The following EPB41L5 variants were observed in gnomAD, a reference collection of about 807,000 sequenced individuals.
The protein encoded by EPB41L5 is band 4.1-like protein 5.
Under a neutral mutation model 106.6 loss-of-function variants are expected in EPB41L5, and 55 were observed. That is an observed-to-expected ratio of 0.52 (90% confidence interval 0.42 to 0.65). The LOEUF is 0.65. EPB41L5 is among the 30% of genes least tolerant of loss of function. The pLI is 0.00. For synonymous variants in EPB41L5, 297 were observed against 306.7 expected, an observed-to-expected ratio of 0.97 and a Z score of 0.33; for missense variants, 871 against 882.1, an observed-to-expected ratio of 0.99 and a Z score of 0.16.
chr2:120,093,478 G>A (rs1462585317), intron 14 of EPB41L5, among the ~76,000 whole-genome samples: 1 of 152,172 alleles, frequency 6.6e-6, no homozygotes, highest in Non-Finnish European at 1.5e-5. Context: ...GTAAAGAATG[G>A]GGTCGAGGCA....
intron 18 of EPB41L5, 53 bp downstream of exon 18, chr2:120,131,768 A>G: frequency 1.5e-6 from 2 of 1,317,732 alleles, no homozygotes; most frequent in Non-Finnish European, 2.2e-6. Flanking sequence ...AGCTCCCAGA[A>G]ATATTTTCTT....
chr2:120,045,035 G>A (rs902137632), intron 3 of EPB41L5, among the ~76,000 whole-genome samples: 1 of 152,114 alleles, frequency 6.6e-6, no homozygotes. Context: ...TTCAACCTCA[G>A]AATGAAATGA....
chr2:120,056,257 C>A (rs996372934), intron 3 of EPB41L5, among the ~76,000 whole-genome samples: 1 of 151,260 alleles, frequency 6.6e-6, no homozygotes, highest in Non-Finnish European at 1.5e-5. Flanking sequence ...TAATGTTGAA[C>A]CAACCTTGAA....
At chr2:120,061,313 C>A (rs1681053517) in intron 3 of EPB41L5, among the ~76,000 whole-genome samples, 2 of 148,298 alleles carry the variant, frequency 1.3e-5, no homozygotes, top group African/African-American at 2.5e-5. Context: ...AGCTCCGCCT[C>A]CCGGGTTCAC....
chr2:120,121,165 A>G (rs1005125443), intron 16 of EPB41L5, among the ~76,000 whole-genome samples: 9 of 152,110 alleles, frequency 5.9e-5, no homozygotes, highest in Admixed American at 3.3e-4. Flanking sequence ...GGACTCTACT[A>G]TGGTCTGAAA....
At chr2:120,106,254 G>T in intron 16 of EPB41L5, 1 of 985,352 alleles carries the variant, frequency 1.0e-6, no homozygotes, top group Non-Finnish European at 1.2e-6. Flanking sequence ...GCAGCGATAG[G>T]GGTGAGGAAA....
chr2:120,153,429 T>G (rs1686765187), intron 20 of EPB41L5, among the ~76,000 whole-genome samples: 1 of 152,140 alleles, frequency 6.6e-6, no homozygotes, highest in African/African-American at 2.4e-5. Flanking sequence ...ATGTTTTGTA[T>G]GTTCTTGAGA....
chr2:120,028,148 G>A lies in EPB41L5; in HGVS notation c.180+8884G>A, dbSNP rs1304907004. ...CAAAGTGCTGGGATTACAGGCGTGA[G>A]CCACCGCGCCCGGCCGGAAGTTATT... is the stretch of plus-strand genomic sequence containing the variant. On this transcript the variant is annotated intron_variant, in intron 2 of 24. Coordinates refer to ENST00000263713, the MANE Select transcript of EPB41L5 (RefSeq NM_020909.4). Among the ~76,000 whole-genome samples, 4 of 152,092 alleles carry A rather than the reference G, an allele frequency of 2.6e-5. No homozygotes were observed. In the East Asian group the frequency reaches 5.8e-4, roughly 22 times the overall value.
chr2:120,100,833 C>T lies in EPB41L5; in HGVS notation c.1337+19C>T, dbSNP rs770792432. On this transcript the variant is annotated intron_variant, in intron 16 of 24. Coordinates refer to ENST00000263713, the MANE Select transcript of EPB41L5 (RefSeq NM_020909.4). Reference sequence around the variant, plus strand: ...GGAAATGGTTTGTTAATTCCTTAAACTAAAATAAAATATTGCCTAGTTAAT... The same window carrying T: ...GGAAATGGTTTGTTAATTCCTTAAATTAAAATAAAATATTGCCTAGTTAAT... 3.4e-6 allele frequency: 5 copies of T among 1,484,254 alleles called. No individual in the cohort carries two copies. Among genetic ancestry groups the T allele is most frequent in the South Asian group, 1.2e-5 (1 of 83,522 alleles). 91.9% of individuals were successfully genotyped at this position (1,484,254 alleles called of 1,614,324 possible).
chr2:120,075,016 C>T (rs866617270), intron 5 of EPB41L5, among the ~76,000 whole-genome samples: 24 of 152,206 alleles, frequency 1.6e-4, no homozygotes, highest in Middle Eastern at 3.4e-3. Flanking sequence ...TTAATAGAGA[C>T]GGGGTTTCGC....
intron 17 of EPB41L5, 127 bp from the exon 18 acceptor site, chr2:120,131,491 A>G (rs1685685809): frequency 7.9e-6 from 5 of 630,940 alleles, no homozygotes; most frequent in Non-Finnish European, 1.4e-5. Flanking sequence ...TTTTGTGTTT[A>G]TCTGGATTAT....
At chr2:120,082,264 A>C (rs551798423) in intron 10 of EPB41L5, among the ~76,000 whole-genome samples, 1 of 152,252 alleles carries the variant, frequency 6.6e-6, no homozygotes, top group African/African-American at 2.4e-5. Context: ...AATAGCTCTT[A>C]TTATTTTGAG....
At chr2:120,099,562 G>A (rs1471844878) in intron 14 of EPB41L5, among the ~76,000 whole-genome samples, 4 of 151,864 alleles carry the variant, frequency 2.6e-5, no homozygotes, top group Non-Finnish European at 5.9e-5. Flanking sequence ...CAAGTAGCTG[G>A]GACTACAGGT....
chr2:120,082,101 TTC>T (rs1191395986), intron 10 of EPB41L5, among the ~76,000 whole-genome samples: 1 of 152,198 alleles, frequency 6.6e-6, no homozygotes, highest in Non-Finnish European at 1.5e-5. Flanking sequence ...TAGCCTTTAT[TTC>T]TTTCTCCTGC....
chr2:120,027,748 A>T (rs1678432137), intron 2 of EPB41L5, among the ~76,000 whole-genome samples: 2 of 152,048 alleles, frequency 1.3e-5, no homozygotes, highest in African/African-American at 4.8e-5. Flanking sequence ...TCTAAAATTG[A>T]TTTTTGTGAT....
chr2:120,089,128 G>A (rs940978513), intron 11 of EPB41L5, among the ~76,000 whole-genome samples: 2 of 151,992 alleles, frequency 1.3e-5, no homozygotes, highest in Admixed American at 1.3e-4. Flanking sequence ...TCAAATCAGG[G>A]TAATTAGCGT....
intron 16 of EPB41L5, among the ~76,000 whole-genome samples, chr2:120,109,980 G>A (rs1684646534): frequency 6.6e-6 from 1 of 152,196 alleles, no homozygotes; most frequent in African/African-American, 2.4e-5. Flanking sequence ...ATGGCACTAA[G>A]TGTCTTGTTC....
chr2:120,146,276 G>A lies in EPB41L5; in HGVS notation c.1780G>A (p.Ala594Thr). The change falls in exon 20 of 25, where the codon GCT (alanine) becomes ACT (threonine). Residue 594 changes from alanine (A) to threonine (T), a missense_variant. Coordinates refer to ENST00000263713, the MANE Select transcript of EPB41L5 (RefSeq NM_020909.4). ...TCATAAAAATGCCAATGTTCAGGATGCTGCCACAAACAGGTACAGTTCTGG... is the reference window on the plus strand; with the variant it reads ...TCATAAAAATGCCAATGTTCAGGATACTGCCACAAACAGGTACAGTTCTGG... ...LSHKNANVQDAATNSAVLNEN... is the reference protein window; with the variant it reads ...LSHKNANVQDTATNSAVLNEN... The A allele has an allele frequency of 6.2e-7, 1 of 1,609,564 alleles. No individual in the cohort carries two copies. Among genetic ancestry groups the A allele is most frequent in the Non-Finnish European group, 8.5e-7 (1 of 1,176,240 alleles).
intron 14 of EPB41L5, among the ~76,000 whole-genome samples, chr2:120,093,558 T>C (rs1160007397): frequency 6.6e-6 from 1 of 152,224 alleles, no homozygotes; most frequent in East Asian, 1.9e-4. Flanking sequence ...TAAGATAAAT[T>C]ATGATCCTTA....
Sources: gnomAD v4.1 joint callset for allele counts (sites outside exome capture counted in the v4.1 genomes callset) on GRCh38, gnomAD v4.1.1 for gene constraint, MANE v1.5 for transcripts, NCBI Gene and HGNC (gene_info 2026-07-23, HGNC 2026-07-21) for gene names.